Variants in BIRC2 observed in about 807,000 individuals in gnomAD.
BIRC2 encodes baculoviral IAP repeat-containing protein 2.
BIRC2 carries 18 observed loss-of-function variants against 60.9 expected under a neutral mutation model. The observed-to-expected ratio is 0.30, with a 90% CI of 0.20 to 0.44. The LOEUF is 0.44. Among genes scored for constraint, BIRC2 ranks in the 20% least tolerant of loss-of-function variants. BIRC2 has a pLI of 1.00. For missense variants in BIRC2, 701 were observed against 728.5 expected (o/e 0.96, Z 0.43); for synonymous variants, 282 against 247.7 (o/e 1.14, Z -1.30).
Position 102,350,805 on chromosome 11 carries a change from C to G in BIRC2, c.896-39C>G, listed in dbSNP as rs752779860. On this transcript the variant is annotated intron_variant, in intron 2 of 8. Coordinates refer to ENST00000227758, the MANE Select transcript of BIRC2 (RefSeq NM_001166.5). ...TTTTATTTTAATTTACATATTAGAA[C>G]ATACGTGTTTTCAATATTTAGTCTT... 9 of 1,609,976 alleles carry G rather than the reference C, an allele frequency of 5.6e-6. No individual in the cohort carries two copies. The South Asian group carries it at 7.8e-5, about 14-fold the overall frequency.
intron 3 of BIRC2, among the ~76,000 whole-genome samples, chr11:102,353,743 G>A (rs1394079488): frequency 1.4e-5 from 2 of 142,244 alleles, no homozygotes; most frequent in African/African-American, 2.7e-5. Flanking sequence ...CAAATTTCAG[G>A]TATAAGGTCC....
rs371707721 is a variant in BIRC2 at position 102,364,139 on chromosome 11, TTATATATATA to T, written c.1123+450_1123+459del. 1.5e-3 allele frequency among the ~76,000 whole-genome samples: 95 copies of T among 61,402 alleles called. 3 individuals are homozygous for T. The highest frequency in any genetic ancestry group is 1.9e-3 in the East Asian group (2 of 1,034). The allele number at this position is 61,402 out of a possible 152,430, so 40.3% of individuals were successfully genotyped here. On this transcript the variant is annotated intron_variant, in intron 5 of 8. Transcript: ENST00000227758. ...ATACTGGGAAGTCAGCTAATAAATA[TTATATATATA>T]TATATATATATATATATATATATAT... is the stretch of plus-strand genomic sequence containing the variant.
intron 6 of BIRC2, 66 bp from the exon 7 acceptor site, chr11:102,377,430 T>C (rs1359354919): frequency 4.3e-6 from 6 of 1,402,288 alleles, no homozygotes; most frequent in Non-Finnish European, 5.7e-6. Context: ...TGGTTATTAG[T>C]GACTATATGA....
intron 1 of BIRC2, 96 bp from the exon 2 acceptor site, chr11:102,348,499 AATT>A (rs1481511429): frequency 1.8e-5 from 3 of 164,208 alleles, no homozygotes; most frequent in Middle Eastern, 1.7e-3. Flanking sequence ...CTAAAGTGTG[AATT>A]ATTCTTAGAC....
chr11:102,359,117 A>G (rs149257597), intron 3 of BIRC2, among the ~76,000 whole-genome samples: 43 of 152,208 alleles, frequency 2.8e-4, no homozygotes, highest in African/African-American at 8.7e-4. Context: ...TTGTGCATCT[A>G]CTATTGGTTT....
intron 6 of BIRC2, among the ~76,000 whole-genome samples, chr11:102,377,138 T>C (rs190675856): frequency 1.8e-4 from 27 of 152,234 alleles, no homozygotes; most frequent in Non-Finnish European, 3.7e-4. Flanking sequence ...GATCACTGTA[T>C]CAAATGAGAC....
At position 102,378,372 on chromosome 11, in the gene BIRC2, T is replaced by A. The variant is rs1368790759; in HGVS notation, c.*189T>A. 4 of 497,130 alleles carry A rather than the reference T, an allele frequency of 8.0e-6. No individual in the cohort carries two copies. In the East Asian group the frequency reaches 1.3e-4, roughly 17 times the overall value. 30.8% of individuals were successfully genotyped at this position (497,130 alleles called of 1,614,324 possible). On this transcript the variant is annotated 3_prime_UTR_variant, in exon 9 of 9. Coordinates refer to ENST00000227758, the MANE Select transcript of BIRC2 (RefSeq NM_001166.5). The stretch of plus-strand genomic sequence containing the variant: ...CATATATTTAATCTTAATCTGTTTA[T>A]TTACAAGGGAAGATTTATGTTTGGT...
chr11:102,377,418 G>T, intron 6 of BIRC2, 78 bp from the exon 7 acceptor site: 1 of 1,274,312 alleles, frequency 7.8e-7, no homozygotes, highest in Non-Finnish European at 1.1e-6. Context: ...TGTTTGTAGG[G>T]TTGGTTATTA....
At position 102,378,291 on chromosome 11, in the gene BIRC2, C is replaced by A; in HGVS notation, c.*108C>A. 1.2e-6 allele frequency: 1 copy of A among 842,560 alleles called. No homozygotes were observed. Among genetic ancestry groups the A allele is most frequent in the Non-Finnish European group, 1.7e-6 (1 of 571,722 alleles). 52.2% of individuals were successfully genotyped at this position (842,560 alleles called of 1,614,324 possible). The stretch of plus-strand genomic sequence containing the variant: ...GAATTATGAGTTTTTCAATTAGTAA[C>A]ATTCATGTTCTAGTCTGCTTTGGTA... On this transcript the variant is annotated 3_prime_UTR_variant, in exon 9 of 9. Coordinates refer to ENST00000227758, the MANE Select transcript of BIRC2 (RefSeq NM_001166.5).
At chr11:102,366,123 T>A (rs1565336303) in intron 5 of BIRC2, among the ~76,000 whole-genome samples, 1 of 152,156 alleles carries the variant, frequency 6.6e-6, no homozygotes, top group Non-Finnish European at 1.5e-5. Flanking sequence ...TAACAGACAT[T>A]GTAGAGTTAA....
rs1221906864 is a variant in BIRC2 at position 102,350,367 on chromosome 11, A to G, written c.513A>G (p.Ser171=). 1.2e-6 allele frequency: 2 copies of G among 1,614,094 alleles called. No individual in the cohort carries two copies. The highest frequency in any genetic ancestry group is 1.7e-6 in the Non-Finnish European group (2 of 1,180,044). The stretch of plus-strand genomic sequence containing the variant: ...CTAGAGCAGTTGAAGACATCTCTTC[A>G]TCGAGGACTAACCCCTACAGTTATG... The part of the protein sequence containing the change: ...LNSRAVEDIS[S]SRTNPYSYAM... The change falls in exon 2 of 9, where the codon TCA becomes TCG. Residue 171 remains serine, a synonymous_variant. Coordinates refer to ENST00000227758, the MANE Select transcript of BIRC2 (RefSeq NM_001166.5).
intron 5 of BIRC2, among the ~76,000 whole-genome samples, chr11:102,364,174 T>TGC: frequency 1.3e-5 from 1 of 78,120 alleles, no homozygotes; most frequent in Non-Finnish European, 2.3e-5. Flanking sequence ...TATATATATA[T>TGC]ACACACACAC....
At chr11:102,365,562 T>C (rs538667937) in intron 5 of BIRC2, among the ~76,000 whole-genome samples, 2 of 152,212 alleles carry the variant, frequency 1.3e-5, no homozygotes, top group Non-Finnish European at 2.9e-5. Context: ...TGATAATCAC[T>C]GGGTGCTTTG....
At position 102,369,271 on chromosome 11, in the gene BIRC2, A is replaced by G. The variant is rs867437300; in HGVS notation, c.1366+723A>G. ...GCTGGTGCGCTGCACCCACTAACTC[A>G]TCATCTAGCATTAGGTATATCTCCC... On this transcript the variant is annotated intron_variant, in intron 6 of 8. Transcript: ENST00000227758. 3.5e-3 allele frequency among the ~76,000 whole-genome samples: 510 copies of G among 144,990 alleles called. 1 individual carries two copies. Among genetic ancestry groups the G allele is most frequent in the African/African-American group, 0.012 (466 of 39,226 alleles).
At chr11:102,368,684 C>G in intron 6 of BIRC2, 136 bp downstream of exon 6, 1 of 1,238,858 alleles carries the variant, frequency 8.1e-7, no homozygotes, top group South Asian at 1.6e-5. Context: ...GAAACCATCC[C>G]TCCTTTTCTA....
rs1565337041 is a variant in BIRC2 at position 102,368,413 on chromosome 11, C to A, written c.1231C>A (p.Gln411Lys). Residue 411 changes from glutamine (Q) to lysine (K), a missense_variant, in exon 6 of 9, where the codon CAA (glutamine) becomes AAA (lysine). Physicochemically the swap from Gln to Lys is moderately conservative, Grantham distance 53 (BLOSUM62 1). This residue lies in a region of BIRC2 where 235 missense variants were observed against 208.9 expected (regional missense o/e 1.12). Coordinates refer to ENST00000227758, the MANE Select transcript of BIRC2 (RefSeq NM_001166.5). Reference protein sequence around the residue: ...EMGFNRDLVKQTVQSKILTTG... With the variant: ...EMGFNRDLVKKTVQSKILTTG... ...GGGCTTTAATAGAGACCTGGTGAAA[C>A]AAACAGTTCAAAGTAAAATCCTGAC... is the stretch of plus-strand genomic sequence containing the variant. 2.5e-6 allele frequency: 4 copies of A among 1,613,920 alleles called. No individual in the cohort carries two copies. Among genetic ancestry groups the A allele is most frequent in the Non-Finnish European group, 3.4e-6 (4 of 1,179,968 alleles).
intron 6 of BIRC2, among the ~76,000 whole-genome samples, chr11:102,375,115 A>G (rs1421235846): frequency 6.6e-6 from 1 of 152,178 alleles, no homozygotes; most frequent in Non-Finnish European, 1.5e-5. Flanking sequence ...AAATGCAGAA[A>G]TCACCCGTCT....
rs1951579050 is a variant in BIRC2 at position 102,368,471 on chromosome 11, T to C, written c.1289T>C (p.Ile430Thr). ...GAGAACTATAAAACAGTTAATGATATTGTGTCAGCACTTCTTAATGCTGAA... is the reference window on the plus strand; with the variant it reads ...GAGAACTATAAAACAGTTAATGATACTGTGTCAGCACTTCTTAATGCTGAA... ...TGENYKTVNDIVSALLNAEDE... is the reference protein window; with the variant it reads ...TGENYKTVNDTVSALLNAEDE... Residue 430 changes from isoleucine (I) to threonine (T), a missense_variant, in exon 6 of 9, where the codon ATT (isoleucine) becomes ACT (threonine). Ile to Thr is a moderately conservative substitution (Grantham distance 89). Around this residue, in one of 4 missense-constraint regions of BIRC2, gnomAD observed 235 missense variants for 208.9 expected, o/e 1.12. Transcript: ENST00000227758. The C allele has an allele frequency of 1.9e-6, 3 of 1,613,770 alleles. No individual in the cohort carries two copies. The highest frequency in any genetic ancestry group is 2.5e-6 in the Non-Finnish European group (3 of 1,179,938).
chr11:102,376,579 A>T (rs1264476861), intron 6 of BIRC2, among the ~76,000 whole-genome samples: 4 of 152,188 alleles, frequency 2.6e-5, no homozygotes, highest in Admixed American at 2.0e-4. Flanking sequence ...TTTTATAATG[A>T]TTCAGATACC....
Sources: allele counts gnomAD v4.1 joint callset (sites outside exome capture counted in the v4.1 genomes callset), GRCh38; gene constraint gnomAD v4.1.1; regional missense constraint gnomAD v4.1.1; transcripts MANE v1.5; gene names NCBI Gene and HGNC (gene_info 2026-07-23, HGNC 2026-07-21).